Variants in SKAP2 observed in about 807,000 individuals in gnomAD.
SKAP2 encodes src kinase-associated phosphoprotein 2.
Under a neutral mutation model 54.9 loss-of-function variants are expected in SKAP2, and 28 were observed. That is an observed-to-expected ratio of 0.51 (90% CI 0.38 to 0.70). The LOEUF is 0.70. Among genes scored for constraint, SKAP2 ranks in the 30% least tolerant of loss-of-function variants. The pLI is 0.00. For synonymous variants in SKAP2, 137 were observed against 134.3 expected (o/e 1.02, Z -0.14); for missense variants, 356 against 424.1 (o/e 0.84, Z 1.41).
At chr7:26,722,780 T>C (rs1463785524) in intron 9 of SKAP2, among the ~76,000 whole-genome samples, 1 of 152,152 alleles carries the variant, frequency 6.6e-6, no homozygotes, top group Non-Finnish European at 1.5e-5. Context: ...ATTTCATAGT[T>C]TTTAAAAAAT....
At chr7:26,791,280 G>T (rs926417562) in intron 4 of SKAP2, among the ~76,000 whole-genome samples, 15 of 151,882 alleles carry the variant, frequency 9.9e-5, no homozygotes, top group Admixed American at 4.6e-4. Context: ...TTTGATATGG[G>T]GTCTCACTCT....
At chr7:26,833,191 G>A (rs371524827) in intron 4 of SKAP2, among the ~76,000 whole-genome samples, 32 of 151,954 alleles carry the variant, frequency 2.1e-4, no homozygotes, top group Admixed American at 8.5e-4. Flanking sequence ...TCAGGGGATC[G>A]AGACCATCCT....
chr7:26,713,592 T>A (rs1787356088), intron 9 of SKAP2, among the ~76,000 whole-genome samples: 1 of 150,658 alleles, frequency 6.6e-6, no homozygotes, highest in Non-Finnish European at 1.5e-5. Flanking sequence ...TGCTTATTTG[T>A]TCTTTTTTGT....
intron 9 of SKAP2, among the ~76,000 whole-genome samples, chr7:26,719,214 A>G (rs1030826251): frequency 1.3e-5 from 2 of 152,116 alleles, no homozygotes; most frequent in African/African-American, 4.8e-5. Flanking sequence ...AGCAATAATG[A>G]AAGGGAAGTG....
intron 4 of SKAP2, among the ~76,000 whole-genome samples, chr7:26,766,574 C>G (rs1478558575): frequency 1.3e-5 from 2 of 152,190 alleles, no homozygotes; most frequent in Non-Finnish European, 2.9e-5. Context: ...ATGCTTCCAG[C>G]TTTTGCCCAT....
intron 4 of SKAP2, among the ~76,000 whole-genome samples, chr7:26,817,359 G>A (rs1157237532): frequency 6.6e-6 from 1 of 152,046 alleles, no homozygotes; most frequent in African/African-American, 2.4e-5. Context: ...TGTCAGCAGA[G>A]AGGAAATATT....
chr7:26,846,170 A>C (rs557662925), intron 3 of SKAP2, among the ~76,000 whole-genome samples: 36 of 152,208 alleles, frequency 2.4e-4, no homozygotes, highest in Non-Finnish European at 3.5e-4. Flanking sequence ...ATCTCACACA[A>C]AAAAAATCTT....
At chr7:26,802,795 C>T (rs549627513) in intron 4 of SKAP2, among the ~76,000 whole-genome samples, 72 of 152,102 alleles carry the variant, frequency 4.7e-4, no homozygotes, top group Non-Finnish European at 1.3e-4. Flanking sequence ...GCAGGAGAAT[C>T]GCTTGAACCC....
intron 4 of SKAP2, among the ~76,000 whole-genome samples, chr7:26,808,544 A>T: frequency 6.6e-6 from 1 of 152,188 alleles, no homozygotes; most frequent in East Asian, 1.9e-4. Context: ...GAAAACGGTG[A>T]TTGGTGGTTA....
At chr7:26,660,986 C>T in the SKAP2 span, among the ~76,000 whole-genome samples, 2 of 152,034 alleles carry the variant, frequency 1.3e-5, no homozygotes, top group African/African-American at 4.8e-5. Context: ...AGCGACTCTG[C>T]ATAACAAATA....
At chr7:26,843,785 T>C (rs1192476864) in intron 4 of SKAP2, among the ~76,000 whole-genome samples, 2 of 152,012 alleles carry the variant, frequency 1.3e-5, no homozygotes, top group South Asian at 2.1e-4. Flanking sequence ...ATAATATTCA[T>C]ATGATGATAC....
intron 4 of SKAP2, among the ~76,000 whole-genome samples, chr7:26,797,108 G>A (rs991537906): frequency 6.6e-6 from 1 of 152,182 alleles, no homozygotes; most frequent in African/African-American, 2.4e-5. Context: ...GGTACTTCTG[G>A]ACCCACCGGG....
chr7:26,777,711 T>C (rs1562606704), intron 4 of SKAP2, among the ~76,000 whole-genome samples: 1 of 152,092 alleles, frequency 6.6e-6, no homozygotes, highest in South Asian at 2.1e-4. Flanking sequence ...CAAATAATGA[T>C]GGTAACAATA....
At chr7:26,794,099 C>G (rs1783720978) in intron 4 of SKAP2, among the ~76,000 whole-genome samples, 1 of 152,028 alleles carries the variant, frequency 6.6e-6, no homozygotes, top group African/African-American at 2.4e-5. Context: ...CCAGCAGGAG[C>G]CCAATTTTTT....
intron 4 of SKAP2, among the ~76,000 whole-genome samples, chr7:26,795,720 T>C (rs1477213521): frequency 2.0e-5 from 3 of 152,224 alleles, no homozygotes; most frequent in East Asian, 1.9e-4. Flanking sequence ...CAGGCACCTA[T>C]GAAGAGTACT....
chr7:26,819,235 T>C (rs1784335118), intron 4 of SKAP2, among the ~76,000 whole-genome samples: 1 of 152,096 alleles, frequency 6.6e-6, no homozygotes, highest in Non-Finnish European at 1.5e-5. Context: ...TGCAATACTA[T>C]GCAGCCAAAA....
At chr7:26,660,331 A>G in the SKAP2 span, among the ~76,000 whole-genome samples, 1 of 152,106 alleles carries the variant, frequency 6.6e-6, no homozygotes, top group Non-Finnish European at 1.5e-5. Context: ...AAAGATGTGA[A>G]ATGAGAATAA....
At chr7:26,757,908 C>T (rs927605900) in intron 4 of SKAP2, among the ~76,000 whole-genome samples, 16 of 152,092 alleles carry the variant, frequency 1.1e-4, no homozygotes, top group East Asian at 3.9e-4. Context: ...ACTACAGGCA[C>T]GTGCCACCAC....
intron 3 of SKAP2, among the ~76,000 whole-genome samples, chr7:26,849,124 AAAAGG>A (rs1784985724): frequency 6.6e-6 from 1 of 152,200 alleles, no homozygotes; most frequent in Non-Finnish European, 1.5e-5. Context: ...GAAGGGTTAA[AAAAGG>A]AAATTAAACA....
Sources: gnomAD v4.1 joint callset for allele counts (sites outside exome capture counted in the v4.1 genomes callset) on GRCh38, gnomAD v4.1.1 for gene constraint, MANE v1.5 for transcripts, NCBI Gene and HGNC (gene_info 2026-07-23, HGNC 2026-07-21) for gene names.